Variants in RNGTT observed in about 807,000 individuals in gnomAD.
The protein encoded by RNGTT is mRNA-capping enzyme.
Under a neutral mutation model 79.3 loss-of-function variants are expected in RNGTT, and 33 were observed. The ratio of observed to expected loss-of-function variants is 0.42; its 90% confidence interval spans 0.32 to 0.56. The LOEUF (loss-of-function observed/expected upper bound fraction) is 0.56. RNGTT is among the 20% of genes least tolerant of loss of function. The pLI, the probability that RNGTT is intolerant of heterozygous loss-of-function variation, is 0.17. For missense variants in RNGTT, 497 were observed against 739.1 expected, an observed-to-expected ratio of 0.67 and a Z score of 3.80; for synonymous variants, 222 against 235.9, an observed-to-expected ratio of 0.94 and a Z score of 0.54.
At chr6:88,949,175 A>AG (rs1409936096) in intron 1 of RNGTT, among the ~76,000 whole-genome samples, 2 of 140,914 alleles carry the variant, frequency 1.4e-5, no homozygotes, top group African/African-American at 5.7e-5. Context: ...AAAAAAAAAA[A>AG]AAAGAAAATG....
At chr6:88,916,589 G>C (rs1784007410) in intron 4 of RNGTT, among the ~76,000 whole-genome samples, 1 of 152,200 alleles carries the variant, frequency 6.6e-6, no homozygotes, top group African/African-American at 2.4e-5. Context: ...GTATAAGTCT[G>C]TAGTTTGTAT....
chr6:88,698,261 AT>A (rs1775808139), intron 13 of RNGTT, among the ~76,000 whole-genome samples: 1 of 119,692 alleles, frequency 8.4e-6, no homozygotes, highest in Non-Finnish European at 1.6e-5. Flanking sequence ...ATATATATAA[AT>A]ATATATGATA....
chr6:88,952,009 A>C (rs1229452262), intron 1 of RNGTT, among the ~76,000 whole-genome samples: 1 of 152,166 alleles, frequency 6.6e-6, no homozygotes, highest in African/African-American at 2.4e-5. Context: ...AGGGAGGGGT[A>C]GGGCCTGAAA....
chr6:88,822,210 A>G (rs893514997), intron 11 of RNGTT, among the ~76,000 whole-genome samples: 4 of 152,224 alleles, frequency 2.6e-5, no homozygotes, highest in African/African-American at 9.6e-5. Context: ...TAGTGGGCTC[A>G]GGGAATTAGA....
rs775354036 is a variant in RNGTT, at chr6:88,929,231, A to C, written c.211T>G (p.Ser71Ala). The change falls in exon 3 of 16, where the codon TCA (serine) becomes GCA (alanine). Residue 71 changes from serine (S) to alanine (A), a missense_variant. Transcript: ENST00000369485. ...ATGTCATTTCGGTCATAGAACCTTGAAGTATTTGTCAGGTCCACCAACAAG... is the reference window on the plus strand; with the variant it reads ...ATGTCATTTCGGTCATAGAACCTTGCAGTATTTGTCAGGTCCACCAACAAG... ...MGLLVDLTNT[S>A]RFYDRNDIEK... is the part of the protein sequence containing the mutation. The C allele has an allele frequency of 1.2e-6, 2 of 1,610,040 alleles. No homozygotes were observed. Among genetic ancestry groups the C allele is most frequent in the Admixed American group, 1.7e-5 (1 of 59,648 alleles).
At chr6:88,675,623 A>G (rs1000504849) in intron 14 of RNGTT, among the ~76,000 whole-genome samples, 3 of 151,876 alleles carry the variant, frequency 2.0e-5, no homozygotes, top group Admixed American at 2.0e-4. Context: ...ATTTATGTAG[A>G]TAATCCTATG....
At chr6:88,842,272 G>A (rs75399312) in intron 11 of RNGTT, among the ~76,000 whole-genome samples, 2,916 of 151,992 alleles carry the variant, frequency 0.019, 85 homozygotes, top group African/African-American at 0.067. Context: ...GCACAAATGA[G>A]AAATGGAGAA....
intron 2 of RNGTT, among the ~76,000 whole-genome samples, chr6:88,934,110 G>A (rs1224951051): frequency 6.6e-6 from 1 of 152,124 alleles, no homozygotes; most frequent in Non-Finnish European, 1.5e-5. Flanking sequence ...GCTCACCACT[G>A]TAACTTCAAT....
chr6:88,696,422 C>A (rs1235160620), intron 13 of RNGTT, among the ~76,000 whole-genome samples: 1 of 152,066 alleles, frequency 6.6e-6, no homozygotes, highest in Non-Finnish European at 1.5e-5. Flanking sequence ...TAGTTCCCTA[C>A]CTAACTTGTT....
At chr6:88,880,848 A>T (rs1384721294) in intron 8 of RNGTT, among the ~76,000 whole-genome samples, 1 of 152,200 alleles carries the variant, frequency 6.6e-6, no homozygotes, top group Non-Finnish European at 1.5e-5. Flanking sequence ...TTTTGAAGAC[A>T]ATTTATTTAA....
At chr6:88,950,871 T>G (rs1170471839) in intron 1 of RNGTT, among the ~76,000 whole-genome samples, 1 of 151,990 alleles carries the variant, frequency 6.6e-6, no homozygotes, top group African/African-American at 2.4e-5. Flanking sequence ...GTTTTTTTTT[T>G]TTTTTGAGAC....
At chr6:88,626,196 A>G (rs1340177224) in intron 14 of RNGTT, among the ~76,000 whole-genome samples, 2 of 152,028 alleles carry the variant, frequency 1.3e-5, no homozygotes, top group East Asian at 3.9e-4. Context: ...TAATCTGTAC[A>G]AGAGTCCAGT....
chr6:88,690,582 C>T (rs1158704652), intron 13 of RNGTT, among the ~76,000 whole-genome samples: 1 of 151,690 alleles, frequency 6.6e-6, no homozygotes, highest in Non-Finnish European at 1.5e-5. Flanking sequence ...TATGGTGGCA[C>T]GTACCTGTAG....
chr6:88,612,653 A>G lies in RNGTT; in HGVS notation c.*66T>C. Reference sequence around the variant, plus strand: ...GTCGTTTTTCAATTTCTCTGGCTACAAAAATGGGCAACAGCGTTTTTTCCT... The same window carrying G: ...GTCGTTTTTCAATTTCTCTGGCTACGAAAATGGGCAACAGCGTTTTTTCCT... On this transcript the variant is annotated 3_prime_UTR_variant, in exon 16 of 16. Coordinates refer to ENST00000369485, the MANE Select transcript of RNGTT (RefSeq NM_003800.5). 5 of 1,490,238 alleles carry G rather than the reference A, an allele frequency of 3.4e-6. No individual in the cohort carries two copies. Among genetic ancestry groups the G allele is most frequent in the Admixed American group, 4.1e-5 (2 of 49,050 alleles). 92.3% of individuals were successfully genotyped at this position (1,490,238 alleles called of 1,614,324 possible). A position where few individuals can be genotyped will look rare whatever the true frequency, so the allele number is the denominator to read the frequency against.
chr6:88,890,664 A>G (rs1783020363), intron 7 of RNGTT, 68 bp from the exon 8 acceptor site: 1 of 953,728 alleles, frequency 1.0e-6, no homozygotes, highest in Non-Finnish European at 1.6e-6. Flanking sequence ...TCTTAAACCA[A>G]TCTCAAATGA....
At chr6:88,871,545 G>C (rs1782357589) in intron 8 of RNGTT, among the ~76,000 whole-genome samples, 1 of 152,130 alleles carries the variant, frequency 6.6e-6, no homozygotes, top group African/African-American at 2.4e-5. Flanking sequence ...GGCTAGATTA[G>C]ATTAGATTAT....
intron 8 of RNGTT, among the ~76,000 whole-genome samples, chr6:88,860,794 T>G (rs1212601816): frequency 2.7e-5 from 4 of 150,398 alleles, no homozygotes; most frequent in Non-Finnish European, 4.4e-5. Flanking sequence ...GCCAAGATAG[T>G]GAGACCACAT....
At chr6:88,818,764 A>G (rs1780408688) in intron 11 of RNGTT, among the ~76,000 whole-genome samples, 2 of 152,214 alleles carry the variant, frequency 1.3e-5, no homozygotes, top group South Asian at 4.1e-4. Flanking sequence ...AGAAAAATAA[A>G]TTTGTGATAC....
chr6:88,901,495 C>CTTTTTTTT lies in RNGTT; in HGVS notation c.684+3212_684+3219dup, dbSNP rs71024314. Among the ~76,000 whole-genome samples the CTTTTTTTT allele has an allele frequency of 1.2e-3, 78 of 65,810 alleles. 11 individuals are homozygous for CTTTTTTTT. The highest frequency in any genetic ancestry group is 2.3e-3 in the African/African-American group (32 of 14,060). 43.2% of individuals were successfully genotyped at this position (65,810 alleles called of 152,430 possible). On this transcript the variant is annotated intron_variant, in intron 6 of 15. Transcript: ENST00000369485. ...AAAAATAACTGTCAAGCACCCTGAT[C>CTTTTTTTT]TTTTTTTTTTTTTTTTTTTTTTTTT...
Sources: allele counts gnomAD v4.1 joint callset (sites outside exome capture counted in the v4.1 genomes callset), GRCh38; gene constraint gnomAD v4.1.1; transcripts MANE v1.5; gene names NCBI Gene and HGNC (gene_info 2026-07-23, HGNC 2026-07-21).